The following GABRG1 variants were observed in gnomAD, a reference collection of about 807,000 sequenced individuals.
GABRG1 encodes the protein gamma-aminobutyric acid type A receptor subunit gamma1, also known as gamma-aminobutyric acid receptor subunit gamma-1.
Under a neutral mutation model 49.8 loss-of-function variants are expected in GABRG1, and 49 were observed. That is an observed-to-expected ratio of 0.98 (90% confidence interval 0.78 to 1.25). GABRG1 has a LOEUF of 1.25. GABRG1 is among the 50% of genes most tolerant of loss of function. GABRG1 has a pLI of 0.00. For synonymous variants in GABRG1, 232 were observed against 185.1 expected (o/e 1.25, Z -2.06); for missense variants, 552 against 552.3 (o/e 1.00, Z 0.01).
At position 46,037,439 on chromosome 4, in the gene GABRG1, C is replaced by T. The variant is rs78536684; in HGVS notation, c.*3549G>A. ...AGAATGACCAACAAAAATGGAAATA[C>T]CAAGTATGTCTTGCCATCATACGGT... On this transcript the variant is annotated 3_prime_UTR_variant, in exon 9 of 9. Coordinates refer to ENST00000295452, the MANE Select transcript of GABRG1 (RefSeq NM_173536.4). 0.036 allele frequency: 5,395 copies of T among 151,692 alleles called. 171 individuals are homozygous for T. The highest frequency in any genetic ancestry group is 0.075 in the African/African-American group (3,102 of 41,410). The allele number at this position is 151,692 out of a possible 1,614,324, so 9.4% of individuals were successfully genotyped here. A position where few individuals can be genotyped will look rare whatever the true frequency, so the allele number is the denominator to read the frequency against.
intron 3 of GABRG1, among the ~76,000 whole-genome samples, chr4:46,076,335 C>A (rs1462480022): frequency 1.6e-5 from 2 of 126,704 alleles, no homozygotes; most frequent in African/African-American, 3.0e-5. Context: ...AAAATATGAA[C>A]TACCTAAATT....
intron 7 of GABRG1, among the ~76,000 whole-genome samples, chr4:46,057,591 A>G (rs763232148): frequency 6.6e-6 from 1 of 152,108 alleles, no homozygotes; most frequent in Non-Finnish European, 1.5e-5. Context: ...TTACAGAAAA[A>G]TAGTAAAAGT....
intron 1 of GABRG1, among the ~76,000 whole-genome samples, chr4:46,099,367 C>A (rs1290037227): frequency 6.6e-6 from 1 of 151,628 alleles, no homozygotes; most frequent in East Asian, 2.0e-4. Context: ...ACAGGCTACT[C>A]CATTACTTCA....
At chr4:46,111,096 A>G (rs193114171) in intron 1 of GABRG1, among the ~76,000 whole-genome samples, 134 of 151,164 alleles carry the variant, frequency 8.9e-4, no homozygotes, top group African/African-American at 3.1e-3. Flanking sequence ...TACCAGGAAA[A>G]TCCCAAAGAA....
At chr4:46,113,510 G>A (rs960153699) in intron 1 of GABRG1, among the ~76,000 whole-genome samples, 2 of 150,900 alleles carry the variant, frequency 1.3e-5, no homozygotes, top group African/African-American at 4.9e-5. Context: ...GATTTGGCGG[G>A]GGGGACATGA....
At chr4:46,067,895 C>A (rs1470849977) in intron 3 of GABRG1, among the ~76,000 whole-genome samples, 1 of 152,104 alleles carries the variant, frequency 6.6e-6, no homozygotes, top group Admixed American at 6.6e-5. Context: ...CCCTTATACA[C>A]AACATCACTG....
chr4:46,043,006 TA>T (rs1010143885), intron 8 of GABRG1, among the ~76,000 whole-genome samples: 2 of 150,754 alleles, frequency 1.3e-5, no homozygotes, highest in East Asian at 2.0e-4. Context: ...TAAAATCATG[TA>T]AAAAAAAAGA....
At chr4:46,065,708 G>GA (rs544742792) in intron 3 of GABRG1, 124 bp from the exon 4 acceptor site, 12 of 592,494 alleles carry the variant, frequency 2.0e-5, no homozygotes, top group East Asian at 5.7e-5. Flanking sequence ...CTTTTCGGAG[G>GA]AAAAAAATGC....
At chr4:46,086,856 T>G (rs1719777666) in intron 2 of GABRG1, among the ~76,000 whole-genome samples, 1 of 151,628 alleles carries the variant, frequency 6.6e-6, no homozygotes, top group African/African-American at 2.4e-5. Context: ...CTACTCAAAT[T>G]TCTATGAATA....
chr4:46,117,226 G>C (rs978105521), intron 1 of GABRG1, among the ~76,000 whole-genome samples: 1 of 150,434 alleles, frequency 6.6e-6, no homozygotes, highest in Admixed American at 6.7e-5. Flanking sequence ...AGGTTGGAGA[G>C]CAGGGTCTAT....
chr4:46,093,855 G>C (rs1720085837), intron 2 of GABRG1, among the ~76,000 whole-genome samples: 1 of 151,818 alleles, frequency 6.6e-6, no homozygotes, highest in African/African-American at 2.4e-5. Flanking sequence ...ATTTTTAAAG[G>C]CTAAGTCAAT....
chr4:46,068,144 C>T (rs1718986909), intron 3 of GABRG1, among the ~76,000 whole-genome samples: 1 of 152,092 alleles, frequency 6.6e-6, no homozygotes, highest in African/African-American at 2.4e-5. Context: ...ACAGAAGGCT[C>T]AAACTCTACT....
At chr4:46,103,892 AT>A (rs1462091963) in intron 1 of GABRG1, among the ~76,000 whole-genome samples, 1 of 151,312 alleles carries the variant, frequency 6.6e-6, no homozygotes, top group African/African-American at 2.4e-5. Context: ...TATTTTATAT[AT>A]TTTTATATAG....
Position 46,065,382 on chromosome 4 carries a change from C to T in GABRG1, c.524G>A (p.Arg175Gln), listed in dbSNP as rs1487210471. Residue 175 changes from arginine (R) to glutamine (Q), a missense_variant, in exon 4 of 9, where the codon CGA becomes CAA. Arg to Gln is a conservative substitution (Grantham distance 43). Transcript: ENST00000295452. ...ATATTACCTTAGAGTATACAGAACT[C>T]GTCCATCATTCCAAATTCGAAGCAG... ...NRLLRIWNDG[R>Q]VLYTLRLTIN... 1.9e-6 allele frequency: 3 copies of T among 1,604,078 alleles called. No individual in the cohort carries two copies. Among genetic ancestry groups the T allele is most frequent in the East Asian group, 2.2e-5 (1 of 44,754 alleles).
At chr4:46,111,521 GC>G (rs1398561564) in intron 1 of GABRG1, among the ~76,000 whole-genome samples, 1 of 151,100 alleles carries the variant, frequency 6.6e-6, no homozygotes, top group African/African-American at 2.4e-5. Context: ...CAAAAAAGGA[GC>G]CCAAATAGCC....
At chr4:46,096,418 A>G (rs546123893) in intron 2 of GABRG1, among the ~76,000 whole-genome samples, 1 of 151,752 alleles carries the variant, frequency 6.6e-6, no homozygotes, top group South Asian at 2.1e-4. Flanking sequence ...ATACTAAAAT[A>G]AAACAAATAT....
In GABRG1 at chr4:46,123,789, T is replaced by G. The variant is rs375988178; in HGVS notation, c.104+21A>C. The stretch of plus-strand genomic sequence containing the variant: ...AGGGGTAGATAGCAAAGAATAGTTT[T>G]AAACCCCTGAATTTACTCACCAGTT... On this transcript the variant is annotated intron_variant, in intron 1 of 8. Transcript: ENST00000295452. 5 of 1,566,208 alleles carry G rather than the reference T, an allele frequency of 3.2e-6. No homozygotes were observed. The African/African-American group carries it at 6.8e-5, about 21-fold the overall frequency.
chr4:46,102,094 G>A (rs185228202), intron 1 of GABRG1, among the ~76,000 whole-genome samples: 9 of 151,600 alleles, frequency 5.9e-5, no homozygotes, highest in Admixed American at 5.3e-4. Flanking sequence ...ACCAGATAAC[G>A]CTCTGAAATA....
At chr4:46,059,287 A>G (rs1718577722) in intron 5 of GABRG1, among the ~76,000 whole-genome samples, 1 of 152,134 alleles carries the variant, frequency 6.6e-6, no homozygotes, top group African/African-American at 2.4e-5. Context: ...TGCAAGCATT[A>G]CTTTAGGATA....
Sources: allele counts gnomAD v4.1 joint callset (sites outside exome capture counted in the v4.1 genomes callset), GRCh38; gene constraint gnomAD v4.1.1; transcripts MANE v1.5; gene names NCBI Gene and HGNC (gene_info 2026-07-23, HGNC 2026-07-21).